PCDH9: variants seen among roughly 807,000 people sequenced by gnomAD.
PCDH9 encodes the protein protocadherin 9, also known as protocadherin-9.
A neutral mutation model predicts 70.6 loss-of-function variants in PCDH9; 24 were observed. That is an observed-to-expected ratio of 0.34 (90% CI 0.25 to 0.48). The LOEUF (loss-of-function observed/expected upper bound fraction) is 0.48, where lower values mean the gene tolerates loss of function less well. Among genes scored for constraint, PCDH9 ranks in the 20% least tolerant of loss-of-function variants. The pLI, the probability that PCDH9 is intolerant of heterozygous loss-of-function variation, is 0.99. For synonymous variants in PCDH9, 562 were observed against 558.5 expected (o/e 1.01, Z -0.09); for missense variants, 1,281 against 1,503.6 (o/e 0.85, Z 2.45).
chr13:66,848,892 C>T (rs2081260503), intron 3 of PCDH9, among the ~76,000 whole-genome samples: 1 of 140,888 alleles, frequency 7.1e-6, no homozygotes, highest in African/African-American at 2.7e-5. Flanking sequence ...CGCACCACCG[C>T]ACTCCAGCCT....
intron 4 of PCDH9, among the ~76,000 whole-genome samples, chr13:66,412,838 G>A (rs749253730): frequency 9.9e-5 from 15 of 152,202 alleles, no homozygotes; most frequent in Non-Finnish European, 1.2e-4. Flanking sequence ...TGAGTGGACC[G>A]GAGGCTGAAT....
intron 2 of PCDH9, among the ~76,000 whole-genome samples, chr13:67,188,321 C>T (rs892941861): frequency 5.3e-5 from 8 of 152,010 alleles, no homozygotes; most frequent in African/African-American, 1.9e-4. Context: ...ATCATCTAAA[C>T]GTCCTAATCT....
intron 4 of PCDH9, among the ~76,000 whole-genome samples, chr13:66,533,688 A>T (rs1960567409): frequency 6.6e-6 from 1 of 152,174 alleles, no homozygotes; most frequent in Non-Finnish European, 1.5e-5. Flanking sequence ...ACTTGCAAAC[A>T]GTATGTTGAG....
chr13:66,352,543 G>A (rs1956309362), intron 4 of PCDH9, among the ~76,000 whole-genome samples: 1 of 152,032 alleles, frequency 6.6e-6, no homozygotes, highest in Non-Finnish European at 1.5e-5. Context: ...AGGACCTCTT[G>A]GAGTTCCAGT....
At chr13:66,371,591 C>A (rs1011640064) in intron 4 of PCDH9, among the ~76,000 whole-genome samples, 1 of 151,910 alleles carries the variant, frequency 6.6e-6, no homozygotes, top group Non-Finnish European at 1.5e-5. Context: ...CTAACTACAA[C>A]AAAACTCCTT....
Position 66,689,795 on chromosome 13 carries a change from C to T in PCDH9, c.3139-58384G>A, listed in dbSNP as rs986702722. On this transcript the variant is annotated intron_variant, in intron 3 of 4. Coordinates refer to ENST00000377865, the MANE Select transcript of PCDH9 (RefSeq NM_203487.3). ...TAATCTGATCACTAAGCAAGATTCACGAGCTGTCCCTGGTCTGCAGATGGA... is the reference window on the plus strand; with the variant it reads ...TAATCTGATCACTAAGCAAGATTCATGAGCTGTCCCTGGTCTGCAGATGGA... Among the ~76,000 whole-genome samples, 2 of 152,154 alleles carry T rather than the reference C, an allele frequency of 1.3e-5. 1 individual carries two copies. Among genetic ancestry groups the T allele is most frequent in the Middle Eastern group, 6.3e-3 (2 of 316 alleles).
chr13:66,577,582 T>C (rs989607400), intron 4 of PCDH9, among the ~76,000 whole-genome samples: 1 of 152,014 alleles, frequency 6.6e-6, no homozygotes, highest in East Asian at 1.9e-4. Flanking sequence ...ATACACTGCA[T>C]AGGATAGATA....
intron 2 of PCDH9, among the ~76,000 whole-genome samples, chr13:66,998,469 C>T (rs1336890457): frequency 6.6e-6 from 1 of 152,160 alleles, no homozygotes; most frequent in Admixed American, 6.5e-5. Context: ...TGATTCCAAC[C>T]TGAGTGTGTG....
intron 2 of PCDH9, among the ~76,000 whole-genome samples, chr13:67,169,491 T>C (rs1245075288): frequency 6.6e-6 from 1 of 152,236 alleles, no homozygotes; most frequent in East Asian, 1.9e-4. Context: ...ACATGTCTTT[T>C]GGCCTCTGTT....
intron 3 of PCDH9, among the ~76,000 whole-genome samples, chr13:66,831,182 C>A (rs1469500853): frequency 1.3e-5 from 2 of 152,132 alleles, no homozygotes; most frequent in East Asian, 3.8e-4. Flanking sequence ...TCTTACTGAT[C>A]TTTGGTGCAT....
At chr13:66,546,626 A>C (rs1961214043) in intron 4 of PCDH9, among the ~76,000 whole-genome samples, 2 of 152,172 alleles carry the variant, frequency 1.3e-5, no homozygotes, top group South Asian at 4.2e-4. Flanking sequence ...AGAAACAATT[A>C]ATATATTTGA....
chr13:67,124,173 ATAGG>A (rs1366607508), intron 2 of PCDH9, among the ~76,000 whole-genome samples: 1 of 152,190 alleles, frequency 6.6e-6, no homozygotes, highest in African/African-American at 2.4e-5. Context: ...AAGGAGTGTC[ATAGG>A]TAGTATGCTA....
At chr13:66,657,686 G>C (rs939444715) in intron 3 of PCDH9, among the ~76,000 whole-genome samples, 1 of 152,142 alleles carries the variant, frequency 6.6e-6, no homozygotes. Context: ...CTAAGAACTC[G>C]TGGAAATAGA....
intron 4 of PCDH9, among the ~76,000 whole-genome samples, chr13:66,394,520 C>T (rs1957070268): frequency 6.6e-6 from 1 of 152,088 alleles, no homozygotes; most frequent in Non-Finnish European, 1.5e-5. Context: ...AACTATGTGT[C>T]CATAACACAA....
chr13:66,507,293 G>A (rs1420791808), intron 4 of PCDH9, among the ~76,000 whole-genome samples: 1 of 152,102 alleles, frequency 6.6e-6, no homozygotes, highest in African/African-American at 2.4e-5. Context: ...GCTCCTTAAG[G>A]CAAAATGTAT....
At chr13:66,356,922 G>T (rs540165362) in intron 4 of PCDH9, among the ~76,000 whole-genome samples, 1 of 151,998 alleles carries the variant, frequency 6.6e-6, no homozygotes, top group Non-Finnish European at 1.5e-5. Context: ...TCGGCTTAAG[G>T]TTACAGGGTT....
At chr13:66,687,706 A>T (rs75672376) in intron 3 of PCDH9, among the ~76,000 whole-genome samples, 1 of 152,022 alleles carries the variant, frequency 6.6e-6, no homozygotes, top group African/African-American at 2.4e-5. Context: ...TTTACCCCTT[A>T]CTCCCTAATT....
chr13:66,635,162 A>C (rs984879424), intron 3 of PCDH9, among the ~76,000 whole-genome samples: 22 of 152,190 alleles, frequency 1.4e-4, no homozygotes, highest in African/African-American at 4.8e-4. Flanking sequence ...AGACTCCTTC[A>C]GCCTCTCCAG....
chr13:66,729,997 A>G (rs796995678), intron 3 of PCDH9, among the ~76,000 whole-genome samples: 45 of 152,276 alleles, frequency 3.0e-4, no homozygotes, highest in African/African-American at 1.1e-3. Flanking sequence ...GTTTAACAAA[A>G]GTTTTCTGAA....
Sources: gnomAD v4.1 joint callset for allele counts (sites outside exome capture counted in the v4.1 genomes callset) on GRCh38, gnomAD v4.1.1 for gene constraint, MANE v1.5 for transcripts, NCBI Gene and HGNC (gene_info 2026-07-23, HGNC 2026-07-21) for gene names.